The following DIAPH2 variants were observed in gnomAD, a reference collection of about 807,000 sequenced individuals.
DIAPH2 encodes the protein protein diaphanous homolog 2.
In DIAPH2, 35 loss-of-function variants were observed where a neutral mutation model predicts 92.7. The ratio of observed to expected loss-of-function variants is 0.38; its 90% confidence interval spans 0.29 to 0.50. DIAPH2 has a LOEUF of 0.50. Among genes scored for constraint, DIAPH2 ranks in the 20% least tolerant of loss-of-function variants. DIAPH2 has a pLI of 0.94. For synonymous variants in DIAPH2, 301 were observed against 280.4 expected, an observed-to-expected ratio of 1.07 and a Z score of -0.73; for missense variants, 701 against 819.5, an observed-to-expected ratio of 0.86 and a Z score of 1.77.
chrX:97,263,619 C>G (rs917579483), intron 23 of DIAPH2, among the ~76,000 whole-genome samples: 6 of 108,549 alleles, frequency 5.5e-5, no homozygotes, highest in African/African-American at 1.0e-4. Context: ...CAGAGTCTTG[C>G]TCTGTCAGCC....
chrX:97,472,163 T>A (rs1781520870), intron 26 of DIAPH2, among the ~76,000 whole-genome samples: 1 of 112,400 alleles, frequency 8.9e-6, no homozygotes, highest in African/African-American at 3.2e-5. Context: ...ACTGGAATGC[T>A]TTTAAGAGAT....
intron 22 of DIAPH2, among the ~76,000 whole-genome samples, chrX:97,147,980 A>G: frequency 9.0e-6 from 1 of 111,431 alleles, no homozygotes; most frequent in Non-Finnish European, 1.9e-5. Flanking sequence ...AAAAAAGTAA[A>G]ATAATAGCAA....
chrX:97,152,608 A>G, intron 22 of DIAPH2, among the ~76,000 whole-genome samples: 1 of 108,779 alleles, frequency 9.2e-6, no homozygotes, highest in Admixed American at 9.8e-5. Context: ...GAGGGGTAGA[A>G]GGGTCAATGA....
At chrX:97,353,446 G>A (rs1238722412) in intron 24 of DIAPH2, among the ~76,000 whole-genome samples, 1 of 110,843 alleles carries the variant, frequency 9.0e-6, no homozygotes, top group Non-Finnish European at 1.9e-5. Flanking sequence ...CTTCTTTTCT[G>A]TTTTAAATCT....
intron 22 of DIAPH2, among the ~76,000 whole-genome samples, chrX:97,151,533 G>A (rs2067285904): frequency 1.9e-5 from 2 of 107,730 alleles, no homozygotes; most frequent in Non-Finnish European, 3.8e-5. Flanking sequence ...GTGGATAGGT[G>A]TACTTTATTT....
intron 25 of DIAPH2, among the ~76,000 whole-genome samples, chrX:97,418,678 C>G (rs2069975001): frequency 1.8e-5 from 2 of 111,678 alleles, no homozygotes; most frequent in Admixed American, 1.9e-4. Context: ...TAGTTGAAGT[C>G]CATAGGTAAG....
chrX:97,229,299 T>A (rs925791022), intron 22 of DIAPH2, among the ~76,000 whole-genome samples: 13 of 105,462 alleles, frequency 1.2e-4, no homozygotes, highest in Admixed American at 4.3e-4. Context: ...AATCAAGTAG[T>A]GATATGGTGA....
chrX:97,057,873 G>A (rs1239223421), intron 17 of DIAPH2, among the ~76,000 whole-genome samples: 1 of 110,526 alleles, frequency 9.0e-6, no homozygotes, highest in East Asian at 2.9e-4. Flanking sequence ...TTGTATAAAC[G>A]TTTGGTTCTC....
chrX:97,134,177 C>T (rs956096553), intron 21 of DIAPH2, among the ~76,000 whole-genome samples: 2 of 111,581 alleles, frequency 1.8e-5, no homozygotes, highest in African/African-American at 6.5e-5. Context: ...CTGGAATCTT[C>T]ACAGCATGGA....
At chrX:97,357,880 A>G (rs1311283387) in intron 24 of DIAPH2, among the ~76,000 whole-genome samples, 1 of 112,174 alleles carries the variant, frequency 8.9e-6, no homozygotes, top group East Asian at 2.8e-4. Context: ...GGAAAGCTTC[A>G]AAGACATAGA....
intron 26 of DIAPH2, among the ~76,000 whole-genome samples, chrX:97,524,566 T>C (rs1433472726): frequency 8.9e-6 from 1 of 112,299 alleles, no homozygotes; most frequent in Non-Finnish European, 1.9e-5. Flanking sequence ...GAGGCATAGA[T>C]AAGATATTGC....
intron 13 of DIAPH2, among the ~76,000 whole-genome samples, chrX:96,944,627 A>G (rs1352744161): frequency 8.9e-6 from 1 of 111,993 alleles, no homozygotes; most frequent in Admixed American, 9.5e-5. Context: ...ATAGAAACAT[A>G]CAGCATATAT....
Position 96,744,668 on chromosome X carries a change from T to C in DIAPH2, c.342+5906T>C, listed in dbSNP as rs141470313. ...AAGAATGAGTCCAAAAATCTAGCAA[T>C]GGAAAACTGTTAAAAATGTCATTAT... On this transcript the variant is annotated intron_variant, in intron 3 of 26. Transcript: ENST00000324765. 2.1e-4 allele frequency among the ~76,000 whole-genome samples: 23 copies of C among 112,034 alleles called. No individual in the cohort carries two copies. The East Asian group carries it at 5.6e-3, about 28-fold the overall frequency.
chrX:97,545,533 A>ATATATAT (rs1556217617), intron 26 of DIAPH2, among the ~76,000 whole-genome samples: 11 of 79,356 alleles, frequency 1.4e-4, no homozygotes, highest in African/African-American at 5.5e-4. Flanking sequence ...AAAAAAAAAA[A>ATATATAT]ATATATATAT....
Position 96,942,155 on chromosome X carries a change from A to G in DIAPH2, c.1444+19A>G. On this transcript the variant is annotated intron_variant, in intron 13 of 26. Transcript: ENST00000324765. ...CTGATAGGTATGTATCATAATCCTC[A>G]TTGTCCTCTGATTGTGTTTTGTGCC... The G allele has an allele frequency of 1.0e-6, 1 of 960,476 alleles. No homozygotes were observed. The highest frequency in any genetic ancestry group is 1.5e-6 in the Non-Finnish European group (1 of 669,981). 79.2% of individuals were successfully genotyped at this position (960,476 alleles called of 1,213,427 possible).
chrX:96,944,823 TA>T (rs2065728094), intron 13 of DIAPH2, among the ~76,000 whole-genome samples: 1 of 111,467 alleles, frequency 9.0e-6, no homozygotes, highest in Admixed American at 9.6e-5. Flanking sequence ...TTGGGATTAC[TA>T]TAAATAAAAC....
At chrX:97,507,907 G>A (rs1434100764) in intron 26 of DIAPH2, among the ~76,000 whole-genome samples, 3 of 111,262 alleles carry the variant, frequency 2.7e-5, no homozygotes, top group Non-Finnish European at 3.8e-5. Flanking sequence ...AAAGGGAAAG[G>A]AATCCAGAGT....
chrX:97,287,137 C>T (rs1398664714), intron 23 of DIAPH2, among the ~76,000 whole-genome samples: 5 of 110,889 alleles, frequency 4.5e-5, no homozygotes, highest in African/African-American at 1.3e-4. Context: ...GGTGAAACCC[C>T]GTCTCTACTA....
At chrX:97,312,345 C>CA (rs202046146) in intron 23 of DIAPH2, among the ~76,000 whole-genome samples, 587 of 54,939 alleles carry the variant, frequency 0.011, 89 homozygotes, top group East Asian at 0.011. Context: ...CAATAGAATC[C>CA]TTTTTTTTTT....
Sources: gnomAD v4.1 joint callset for allele counts (sites outside exome capture counted in the v4.1 genomes callset) on GRCh38, gnomAD v4.1.1 for gene constraint, MANE v1.5 for transcripts, NCBI Gene and HGNC (gene_info 2026-07-23, HGNC 2026-07-21) for gene names.